The following ANKRD18B variants were observed in gnomAD, a reference collection of about 807,000 sequenced individuals.
The protein encoded by ANKRD18B is ankyrin repeat domain 18B.
In ANKRD18B, 75 loss-of-function variants were observed where a neutral mutation model predicts 111.8. The ratio of observed to expected loss-of-function variants is 0.67; its 90% confidence interval spans 0.56 to 0.81. The LOEUF (loss-of-function observed/expected upper bound fraction) is 0.81. Among genes scored for constraint, ANKRD18B ranks in the 40% least tolerant of loss-of-function variants. The pLI, the probability that ANKRD18B is intolerant of heterozygous loss-of-function variation, is 0.00. For missense variants in ANKRD18B, 1,038 were observed against 1,225.5 expected (o/e 0.85, Z 2.28); for synonymous variants, 356 against 417.3 (o/e 0.85, Z 1.79).
chr9:33,573,269 C>G (rs1352045480), downstream of ANKRD18B: 1 of 985,204 alleles, frequency 1.0e-6, no homozygotes, highest in East Asian at 1.1e-4. Context: ...ACAGAAGAAC[C>G]ACTGTCGCAT....
chr9:33,566,431 A>G lies in ANKRD18B; in HGVS notation c.2673A>G (p.Gln891=). The part of the protein sequence containing the change: ...EKDMVELGKV[Q]EYKSELDERA... ...ATATGGTAGAACTTGGTAAAGTACA[A>G]GAATATAAATCGGAGCTGGATGAAA... is the stretch of plus-strand genomic sequence containing the variant. Residue 891 remains glutamine (Q), a synonymous_variant, in exon 15 of 19, where the codon CAA becomes CAG. Coordinates refer to ENST00000684830, the MANE Select transcript of ANKRD18B (RefSeq NM_001393611.1). 6.2e-7 allele frequency: 1 copy of G among 1,610,298 alleles called. No individual in the cohort carries two copies. The highest frequency in any genetic ancestry group is 8.5e-7 in the Non-Finnish European group (1 of 1,179,002).
rs138782050 is a variant in ANKRD18B, at chr9:33,561,683, A to G, written c.2460+3496A>G. On this transcript the variant is annotated intron_variant, in intron 14 of 18. Transcript: ENST00000684830. The stretch of plus-strand genomic sequence containing the variant: ...TTAACTGTTTTGAGTTAATTTTTAA[A>G]TATGGTATTAGGTGAGAGTCCAACT... 4.4e-3 allele frequency among the ~76,000 whole-genome samples: 677 copies of G among 152,318 alleles called. 3 individuals are homozygous for G. The highest frequency in any genetic ancestry group is 0.014 in the Middle Eastern group (4 of 294).
chr9:33,569,538 G>A (rs983383832), intron 17 of ANKRD18B, among the ~76,000 whole-genome samples: 3 of 151,998 alleles, frequency 2.0e-5, no homozygotes, highest in African/African-American at 7.3e-5. Flanking sequence ...GGGATTACAG[G>A]GGTGAGCCTC....
rs1453728012 is a variant in ANKRD18B at position 33,529,051 on chromosome 9, G to A, written c.373G>A (p.Ala125Thr). 14 of 1,612,112 alleles carry A rather than the reference G, an allele frequency of 8.7e-6. No homozygotes were observed. The highest frequency in any genetic ancestry group is 2.2e-5 in the East Asian group (1 of 44,898). ...TGCCATTATTCTCCTGAAACGTGGC[G>A]CCAATCCAAACATTAAGGATATCTA... ...ACAIILLKRG[A>T]NPNIKDIYGN... Residue 125 changes from alanine to threonine, a missense_variant, in exon 3 of 19, where the codon GCC becomes ACC. By Grantham distance (58) the Ala-to-Thr change is moderately conservative (BLOSUM62 0). Transcript: ENST00000684830.
downstream of ANKRD18B, chr9:33,573,367 T>A (rs1220088399): frequency 1.1e-5 from 10 of 929,736 alleles, no homozygotes; most frequent in Non-Finnish European, 1.2e-5. Context: ...TCAAGGGTTC[T>A]TGATTAGTCT....
At chr9:33,558,875 A>T (rs1188268301) in intron 14 of ANKRD18B, among the ~76,000 whole-genome samples, 2 of 152,154 alleles carry the variant, frequency 1.3e-5, no homozygotes, top group African/African-American at 4.8e-5. Context: ...TTCATGAGAC[A>T]GTCACATTAC....
At chr9:33,562,823 A>T (rs1828626519) in intron 14 of ANKRD18B, among the ~76,000 whole-genome samples, 1 of 152,224 alleles carries the variant, frequency 6.6e-6, no homozygotes, top group African/African-American at 2.4e-5. Context: ...CCTCATTGAG[A>T]AAAAGGAAAA....
intron 14 of ANKRD18B, among the ~76,000 whole-genome samples, chr9:33,564,396 A>G (rs150655142): frequency 4.7e-4 from 72 of 152,314 alleles, no homozygotes; most frequent in African/African-American, 1.7e-3. Context: ...TTATATGGTG[A>G]GTATTCCATT....
intron 14 of ANKRD18B, among the ~76,000 whole-genome samples, chr9:33,563,962 AG>A (rs886779407): frequency 3.9e-5 from 6 of 152,158 alleles, no homozygotes; most frequent in African/African-American, 7.2e-5. Flanking sequence ...GTTAAGAGAC[AG>A]GGTCTTGCTA....
intron 9 of ANKRD18B, 49 bp downstream of exon 9, chr9:33,541,276 G>A (rs7036501): frequency 0.091 from 138,565 of 1,517,168 alleles, 5,067 homozygotes; most frequent in South Asian, 0.1. Context: ...GAGACTGGGA[G>A]ACAAGGGAAG....
At chr9:33,526,995 C>G (rs1385561119) in intron 1 of ANKRD18B, among the ~76,000 whole-genome samples, 1 of 152,150 alleles carries the variant, frequency 6.6e-6, no homozygotes, top group African/African-American at 2.4e-5. Context: ...CACTATCTCT[C>G]AGGATGCTTC....
At chr9:33,551,239 C>G (rs1359214765) in intron 12 of ANKRD18B, among the ~76,000 whole-genome samples, 11 of 152,206 alleles carry the variant, frequency 7.2e-5, no homozygotes, top group Non-Finnish European at 1.5e-4. Context: ...AACAGTTTCA[C>G]TGAGAGATAA....
intron 1 of ANKRD18B, among the ~76,000 whole-genome samples, chr9:33,527,550 G>C (rs1373136654): frequency 6.6e-6 from 1 of 152,172 alleles, no homozygotes; most frequent in South Asian, 2.1e-4. Flanking sequence ...TTGAACTCCT[G>C]ACCTAGAGAT....
intron 17 of ANKRD18B, among the ~76,000 whole-genome samples, chr9:33,569,932 C>G (rs1230265646): frequency 6.6e-6 from 1 of 152,000 alleles, no homozygotes; most frequent in Admixed American, 6.6e-5. Context: ...TGCAGCAACC[C>G]CATTACTATA....
At chr9:33,553,647 CA>C (rs1369586477) in intron 12 of ANKRD18B, among the ~76,000 whole-genome samples, 1 of 152,150 alleles carries the variant, frequency 6.6e-6, no homozygotes, top group Non-Finnish European at 1.5e-5. Context: ...TTCCCAATGA[CA>C]TAGTTGAGTG....
chr9:33,545,288 T>C (rs146233074), intron 10 of ANKRD18B, among the ~76,000 whole-genome samples: 8,940 of 152,052 alleles, frequency 0.059, 300 homozygotes, highest in South Asian at 0.1. Flanking sequence ...ATGGCTGAAA[T>C]GAAAAAAGAC....
chr9:33,528,308 A>G (rs1828056346), intron 1 of ANKRD18B, among the ~76,000 whole-genome samples: 1 of 152,246 alleles, frequency 6.6e-6, no homozygotes, highest in Non-Finnish European at 1.5e-5. Context: ...CTCAACAAAC[A>G]AAAGTCTAAC....
intron 5 of ANKRD18B, 83 bp from the exon 6 acceptor site, chr9:33,536,795 A>G (rs1828207913): frequency 4.4e-6 from 4 of 906,882 alleles, no homozygotes; most frequent in Non-Finnish European, 6.3e-6. Flanking sequence ...ATTGTCTGAA[A>G]TGCTTTAAGA....
At chr9:33,561,456 C>T (rs564430392) in intron 14 of ANKRD18B, among the ~76,000 whole-genome samples, 1 of 152,276 alleles carries the variant, frequency 6.6e-6, no homozygotes, top group African/African-American at 2.4e-5. Flanking sequence ...CAGATATATG[C>T]TTTTCAGATA....
Sources: gnomAD v4.1 joint callset for allele counts (sites outside exome capture counted in the v4.1 genomes callset) on GRCh38, gnomAD v4.1.1 for gene constraint, MANE v1.5 for transcripts, NCBI Gene and HGNC (gene_info 2026-07-23, HGNC 2026-07-21) for gene names.